UEVLD: variants seen among roughly 807,000 people sequenced by gnomAD.
UEVLD encodes ubiquitin-conjugating enzyme E2 variant 3.
Under a neutral mutation model 58.6 loss-of-function variants are expected in UEVLD, and 47 were observed. The ratio of observed to expected loss-of-function variants is 0.80; its 90% CI spans 0.63 to 1.02. The LOEUF (loss-of-function observed/expected upper bound fraction) is 1.02. UEVLD is among the 50% of genes least tolerant of loss of function. UEVLD has a pLI of 0.00. For missense variants in UEVLD, 510 were observed against 550.6 expected (o/e 0.93, Z 0.74); for synonymous variants, 197 against 195.3 (o/e 1.01, Z -0.07).
At chr11:18,588,156 T>G (rs887052078) in intron 1 of UEVLD, among the ~76,000 whole-genome samples, 1 of 152,086 alleles carries the variant, frequency 6.6e-6, no homozygotes, top group Non-Finnish European at 1.5e-5. Flanking sequence ...GATTACGGTT[T>G]GTAAATACAT....
intron 3 of UEVLD, chr11:18,570,598 T>G: frequency 1.1e-5 from 3 of 275,190 alleles, no homozygotes; most frequent in East Asian, 6.9e-5. Context: ...ATTTTAAAAT[T>G]AGCTGGGTGT....
At chr11:18,565,097 T>C (rs1317065338) in intron 5 of UEVLD, 87 bp from the exon 6 acceptor site, 8 of 943,638 alleles carry the variant, frequency 8.5e-6, no homozygotes, top group South Asian at 3.2e-5. Context: ...GCAGGCTTCA[T>C]AGCTTAGAGA....
chr11:18,536,418 T>G lies in UEVLD; in HGVS notation c.1112A>C (p.Gln371Pro), dbSNP rs748427358. The G allele has an allele frequency of 9.3e-6, 15 of 1,613,928 alleles. No homozygotes were observed. The Middle Eastern group carries it at 4.9e-4, about 53-fold the overall frequency. ...CAGTCAGTGTTACCTGTTGGACAGC[T>G]GCACTTGAGAGGTATGACTCACTAC... is the stretch of plus-strand genomic sequence containing the variant. ...EEVVSHTSQV[Q>P]LSNRAMELLR... The change falls in exon 10 of 12, where the codon CAG becomes CCG. Residue 371 changes from glutamine to proline, a missense_variant. Gln to Pro is a moderately conservative substitution (Grantham distance 76). Coordinates refer to ENST00000396197, the MANE Select transcript of UEVLD (RefSeq NM_001040697.4).
intron 11 of UEVLD, 44 bp from the exon 12 acceptor site, chr11:18,532,531 A>G: frequency 2.8e-6 from 4 of 1,448,092 alleles, no homozygotes; most frequent in Non-Finnish European, 3.7e-6. Flanking sequence ...AAATCATTGC[A>G]AAGAAGTTAA....
chr11:18,553,222 A>C (rs1851610610), intron 7 of UEVLD, among the ~76,000 whole-genome samples: 1 of 151,004 alleles, frequency 6.6e-6, no homozygotes, highest in Non-Finnish European at 1.5e-5. Context: ...GTTACTTGGG[A>C]AGCTGAGGCA....
chr11:18,571,283 G>A (rs1235905852), intron 3 of UEVLD, among the ~76,000 whole-genome samples: 1 of 152,010 alleles, frequency 6.6e-6, no homozygotes, highest in African/African-American at 2.4e-5. Context: ...GGAGGCATAG[G>A]TTGCAGTGAG....
intron 2 of UEVLD, among the ~76,000 whole-genome samples, chr11:18,577,221 A>C (rs544163092): frequency 6.6e-6 from 1 of 152,320 alleles, no homozygotes; most frequent in South Asian, 2.1e-4. Context: ...AGTCTCCCGC[A>C]AAAACAAACC....
chr11:18,585,824 G>A (rs1028656919), intron 1 of UEVLD, among the ~76,000 whole-genome samples: 13 of 152,002 alleles, frequency 8.6e-5, no homozygotes, highest in African/African-American at 3.1e-4. Context: ...TAGGAGAGAC[G>A]AGGTTTCACC....
intron 7 of UEVLD, among the ~76,000 whole-genome samples, chr11:18,549,461 G>A (rs1851435159): frequency 6.6e-6 from 1 of 152,168 alleles, no homozygotes; most frequent in African/African-American, 2.4e-5. Flanking sequence ...CTGTTGCCCA[G>A]GCTGGAGTGC....
rs1376276715 is a variant in UEVLD, at chr11:18,529,732, T to C, written c.*2588A>G. ...TTTTAATCCAAACCCCACTAAAAATTATAACAAGCTCTGCATGATTTCATA... is the reference window on the plus strand; with the variant it reads ...TTTTAATCCAAACCCCACTAAAAATCATAACAAGCTCTGCATGATTTCATA... On this transcript the variant is annotated 3_prime_UTR_variant, in exon 12 of 12. Transcript: ENST00000396197. 6.6e-6 allele frequency: 1 copy of C among 152,174 alleles called. No individual in the cohort carries two copies. The highest frequency in any genetic ancestry group is 1.5e-5 in the Non-Finnish European group (1 of 68,012). 9.4% of individuals were successfully genotyped at this position (152,174 alleles called of 1,614,324 possible). A position where few individuals can be genotyped will look rare whatever the true frequency, so the allele number is the denominator to read the frequency against.
chr11:18,586,087 C>T (rs143334483), intron 1 of UEVLD, among the ~76,000 whole-genome samples: 15 of 152,310 alleles, frequency 9.8e-5, no homozygotes, highest in African/African-American at 2.9e-4. Flanking sequence ...ATCTATGAAA[C>T]TGGGATATCT....
In UEVLD at chr11:18,547,035, G is replaced by C; in HGVS notation, c.731C>G (p.Ala244Gly). 6.2e-7 allele frequency: 1 copy of C among 1,611,806 alleles called. No homozygotes were observed. The highest frequency in any genetic ancestry group is 8.5e-7 in the Non-Finnish European group (1 of 1,179,536). Reference sequence around the variant, plus strand: ...TGTGAAGATCACCACCTTGGAATGAGCAGAGGCAGACAAATCTAGTGAATG... The same window carrying C: ...TGTGAAGATCACCACCTTGGAATGACCAGAGGCAGACAAATCTAGTGAATG... ...VEISKDLSAS[A>G]HSKVVIFTVN... Residue 244 changes from alanine (A) to glycine (G), a missense_variant, in exon 8 of 12, where the codon GCT becomes GGT. Ala to Gly is a moderately conservative substitution (Grantham distance 60). Transcript: ENST00000396197.
Position 18,532,161 on chromosome 11 carries a change from G to T in UEVLD, c.*159C>A. On this transcript the variant is annotated 3_prime_UTR_variant, in exon 12 of 12. Coordinates refer to ENST00000396197, the MANE Select transcript of UEVLD (RefSeq NM_001040697.4). ...TCCCCTCCTTGTATAACTCCTTAAG[G>T]ATTTACATCACAAAGCTAATCAAGA... is the stretch of plus-strand genomic sequence containing the variant. The T allele has an allele frequency of 1.7e-6, 1 of 594,420 alleles. No homozygotes were observed. The highest frequency in any genetic ancestry group is 2.7e-6 in the Non-Finnish European group (1 of 373,424). The allele number at this position is 594,420 out of a possible 1,614,324, so 36.8% of individuals were successfully genotyped here. A position where few individuals can be genotyped will look rare whatever the true frequency, so the allele number is the denominator to read the frequency against.
intron 4 of UEVLD, 100 bp from the exon 5 acceptor site, chr11:18,566,582 A>C (rs551605296): frequency 4.7e-6 from 6 of 1,283,118 alleles, no homozygotes; most frequent in Non-Finnish European, 6.4e-6. Context: ...GGAGTTTCAG[A>C]TGCAGTGAGT....
At chr11:18,544,890 A>T in intron 8 of UEVLD, 94 bp from the exon 9 acceptor site, 1 of 913,150 alleles carries the variant, frequency 1.1e-6, no homozygotes, top group Non-Finnish European at 1.5e-6. Context: ...TAAGTATATT[A>T]GGTCCTCAAT....
intron 9 of UEVLD, among the ~76,000 whole-genome samples, chr11:18,544,047 A>G (rs1851178600): frequency 6.6e-6 from 1 of 152,234 alleles, no homozygotes; most frequent in Admixed American, 6.5e-5. Context: ...TTTCTGGAAA[A>G]TTAAATTTTT....
At chr11:18,544,975 TACAC>T (rs1205132521) in intron 8 of UEVLD, among the ~76,000 whole-genome samples, 179 bp from the exon 9 acceptor site, 1 of 141,650 alleles carries the variant, frequency 7.1e-6, no homozygotes, top group East Asian at 2.1e-4. Flanking sequence ...ACACATATAA[TACAC>T]ACATACATAC....
At chr11:18,550,543 C>T (rs907119053) in intron 7 of UEVLD, among the ~76,000 whole-genome samples, 4 of 152,160 alleles carry the variant, frequency 2.6e-5, no homozygotes, top group African/African-American at 9.7e-5. Context: ...TGGAACATTT[C>T]CCCCAGCTTT....
rs1379803280 is a variant in UEVLD, at chr11:18,531,569, A to G, written c.*751T>C. ...AGTAAGGTGCTTGGCTTTCATTCAT[A>G]ATCTATTTCCACTAAAAATATATAT... On this transcript the variant is annotated 3_prime_UTR_variant, in exon 12 of 12. Transcript: ENST00000396197. 6.6e-6 allele frequency: 1 copy of G among 152,184 alleles called. No individual in the cohort carries two copies. The highest frequency in any genetic ancestry group is 1.5e-5 in the Non-Finnish European group (1 of 68,028). The allele number at this position is 152,184 out of a possible 1,614,324, so 9.4% of individuals were successfully genotyped here.
Sources: gnomAD v4.1 joint callset for allele counts (sites outside exome capture counted in the v4.1 genomes callset) on GRCh38, gnomAD v4.1.1 for gene constraint, MANE v1.5 for transcripts, NCBI Gene and HGNC (gene_info 2026-07-23, HGNC 2026-07-21) for gene names.